Variants in FRMPD3 observed in about 807,000 individuals in gnomAD.
The protein encoded by FRMPD3 is FERM and PDZ domain containing 3.
A neutral mutation model predicts 97.9 loss-of-function variants in FRMPD3; 42 were observed. The observed-to-expected ratio is 0.43, with a 90% CI of 0.34 to 0.55. The LOEUF is 0.55. Ranked by LOEUF, FRMPD3 falls within the 20% of genes least tolerant of loss-of-function variation. FRMPD3 has a pLI of 0.03. For synonymous variants in FRMPD3, 577 were observed against 581.1 expected (o/e 0.99, Z 0.10); for missense variants, 1,303 against 1,457.7 (o/e 0.89, Z 1.73).
At chrX:107,456,517 A>G (rs1011114609) in intron 1 of FRMPD3, among the ~76,000 whole-genome samples, 2 of 112,258 alleles carry the variant, frequency 1.8e-5, no homozygotes, top group Non-Finnish European at 3.8e-5. Flanking sequence ...TGCATTTCTT[A>G]AAAACTGGAC....
intron 1 of FRMPD3, among the ~76,000 whole-genome samples, chrX:107,513,615 A>G (rs1222481478): frequency 1.6e-4 from 18 of 111,802 alleles, no homozygotes; most frequent in Non-Finnish European, 1.9e-5. Context: ...TCTCTCTCTG[A>G]CTTTGTCTTT....
chrX:107,526,832 T>C, intron 2 of FRMPD3, 96 bp downstream of exon 2: 1 of 914,754 alleles, frequency 1.1e-6, no homozygotes, highest in Non-Finnish European at 1.5e-6. Flanking sequence ...ATTCTAACTG[T>C]CTTGCTGAAG....
At chrX:107,469,917 CTG>C (rs751324824) in intron 1 of FRMPD3, among the ~76,000 whole-genome samples, 2 of 112,232 alleles carry the variant, frequency 1.8e-5, no homozygotes, top group African/African-American at 3.2e-5. Context: ...TTCTAAGACA[CTG>C]TGAACATTGC....
chrX:107,593,651 T>A (rs1029728104), intron 13 of FRMPD3, among the ~76,000 whole-genome samples: 9 of 111,714 alleles, frequency 8.1e-5, no homozygotes, highest in Non-Finnish European at 1.3e-4. Context: ...TTGAAAAGGG[T>A]GTCCTTTCCC....
At chrX:107,473,258 T>C (rs1474691834) in intron 1 of FRMPD3, among the ~76,000 whole-genome samples, 6 of 111,879 alleles carry the variant, frequency 5.4e-5, no homozygotes, top group African/African-American at 1.3e-4. Context: ...AAGTATTTGA[T>C]TGACACCTCT....
chrX:107,509,230 C>T (rs372734209), intron 1 of FRMPD3, among the ~76,000 whole-genome samples: 9 of 112,460 alleles, frequency 8.0e-5, no homozygotes, highest in Non-Finnish European at 1.3e-4. Flanking sequence ...GAGCTGGCTC[C>T]GCAAAGACCC....
chrX:107,480,895 GGAAAGAAAGAAAGAAAGAAAGAAA>G (rs59050601), intron 1 of FRMPD3, among the ~76,000 whole-genome samples: 39 of 60,596 alleles, frequency 6.4e-4, no homozygotes, highest in African/African-American at 1.8e-3. Flanking sequence ...AAGGAAGGAA[GGAAAGAAAGAAAGAAAGAAAGAAA>G]GAAAGAAAGA....
chrX:107,592,793 C>CTTT (rs35096358), intron 13 of FRMPD3, among the ~76,000 whole-genome samples: 30 of 71,325 alleles, frequency 4.2e-4, no homozygotes, highest in South Asian at 6.2e-4. Context: ...TATGACCATT[C>CTTT]TTTTTTTTTT....
rs1180218810 is a variant in FRMPD3, at chrX:107,552,935, C to G, written c.642+9C>G. The G allele has an allele frequency of 8.3e-7, 1 of 1,201,473 alleles. No individual in the cohort carries two copies. The highest frequency in any genetic ancestry group is 3.0e-5 in the East Asian group (1 of 33,599). ...AGCAACCCCTGGCTTATGTAAGTAA[C>G]TCTTTTTTACAGATAGCTTTGCATG... On this transcript the variant is annotated intron_variant, in intron 7 of 14. Transcript: ENST00000683843.
At chrX:107,520,648 C>T (rs183241167) in intron 1 of FRMPD3, among the ~76,000 whole-genome samples, 361 of 111,345 alleles carry the variant, frequency 3.2e-3, no homozygotes, top group African/African-American at 0.011. Flanking sequence ...GACGCTGCCT[C>T]AAAAACAAAA....
chrX:107,570,799 A>T (rs1375210744), intron 12 of FRMPD3, among the ~76,000 whole-genome samples: 2 of 111,327 alleles, frequency 1.8e-5, no homozygotes. Flanking sequence ...TACCCCAGGG[A>T]AAATCCTTTT....
chrX:107,553,437 C>T (rs984804007), intron 7 of FRMPD3, among the ~76,000 whole-genome samples: 1 of 108,314 alleles, frequency 9.2e-6, no homozygotes, highest in African/African-American at 3.4e-5. Flanking sequence ...AAAAAGTATC[C>T]GGTCTTCCTA....
At chrX:107,526,917 A>G (rs768207245) in intron 2 of FRMPD3, among the ~76,000 whole-genome samples, 181 bp downstream of exon 2, 1 of 111,888 alleles carries the variant, frequency 8.9e-6, no homozygotes, top group African/African-American at 3.3e-5. Flanking sequence ...ACTGATAGAC[A>G]CAACAATTGA....
chrX:107,541,685 G>C (rs1050793273), intron 4 of FRMPD3, among the ~76,000 whole-genome samples: 1 of 111,616 alleles, frequency 9.0e-6, no homozygotes, highest in African/African-American at 3.3e-5. Context: ...TCTTCACTGT[G>C]GTGAATACAT....
rs746223309 is a variant in FRMPD3 at position 107,601,782 on chromosome X, A to C, written c.3743A>C (p.Glu1248Ala). Residue 1248 changes from glutamate to alanine, a missense_variant, in exon 15 of 15, where the codon GAG becomes GCG. By Grantham distance (107) the Glu-to-Ala change is moderately radical. Transcript: ENST00000683843. ...CAGAAGGTAAAGCAGTATGAACTGG[A>C]GTTCCTTGAGGAACTTCTAAAGCCA... ...QLQKVKQYEL[E>A]FLEELLKPPS... 3 of 1,210,880 alleles carry C rather than the reference A, an allele frequency of 2.5e-6. No individual in the cohort carries two copies. The highest frequency in any genetic ancestry group is 3.4e-6 in the Non-Finnish European group (3 of 895,357).
Position 107,570,429 on chromosome X carries a change from G to A in FRMPD3, c.1296+5363G>A, listed in dbSNP as rs114657970. On this transcript the variant is annotated intron_variant, in intron 12 of 14. Coordinates refer to ENST00000683843, the MANE Select transcript of FRMPD3 (RefSeq NM_001388459.1). Reference sequence around the variant, plus strand: ...GATGGTTCATTTAAAGTAGTTCTCAGCCCTGACTGCACATTAGAATCATAT... The same window carrying A: ...GATGGTTCATTTAAAGTAGTTCTCAACCCTGACTGCACATTAGAATCATAT... Among the ~76,000 whole-genome samples, 574 of 109,638 alleles carry A rather than the reference G, an allele frequency of 5.2e-3. 4 individuals carry two copies. Among genetic ancestry groups the A allele is most frequent in the African/African-American group, 0.019 (551 of 29,048 alleles).
At chrX:107,462,773 T>C (rs1931498682) in intron 1 of FRMPD3, among the ~76,000 whole-genome samples, 2 of 112,050 alleles carry the variant, frequency 1.8e-5, no homozygotes, top group Admixed American at 1.9e-4. Context: ...TTGCCCATCA[T>C]ATTAAAGGGA....
intron 1 of FRMPD3, among the ~76,000 whole-genome samples, chrX:107,514,618 T>A (rs770468988): frequency 1.4e-3 from 148 of 107,916 alleles, no homozygotes; most frequent in African/African-American, 4.7e-3. Flanking sequence ...CTCTGCCTCC[T>A]GAGTTCAAGT....
Position 107,545,836 on chromosome X carries a change from G to C in FRMPD3, c.397G>C (p.Asp133His), listed in dbSNP as rs771440314. ...TGAGCAGGTGGCAGTTGGAGAAACAGATGCAGTAAGTGTAGCTTTGGCTCC... is the reference window on the plus strand; with the variant it reads ...TGAGCAGGTGGCAGTTGGAGAAACACATGCAGTAAGTGTAGCTTTGGCTCC... ...FSEQVAVGET[D>H]AKMMKKEALL... is the part of the protein sequence containing the mutation. Residue 133 changes from aspartate to histidine, a missense_variant, in exon 5 of 15, where the codon GAT (aspartate) becomes CAT (histidine). Asp to His is a moderately conservative substitution (Grantham distance 81). This residue lies in a region of FRMPD3 where 535 missense variants were observed against 618.6 expected (regional missense o/e 0.86). Coordinates refer to ENST00000683843, the MANE Select transcript of FRMPD3 (RefSeq NM_001388459.1). The C allele has an allele frequency of 8.4e-7, 1 of 1,196,715 alleles. No individual in the cohort carries two copies. The highest frequency in any genetic ancestry group is 3.0e-5 in the East Asian group (1 of 33,759).
Sources: allele counts gnomAD v4.1 joint callset (sites outside exome capture counted in the v4.1 genomes callset), GRCh38; gene constraint gnomAD v4.1.1; regional missense constraint gnomAD v4.1.1; transcripts MANE v1.5; gene names NCBI Gene and HGNC (gene_info 2026-07-23, HGNC 2026-07-21).